Variants in RREB1 observed in about 807,000 individuals in gnomAD.
RREB1 encodes ras responsive element binding protein 1.
Under a neutral mutation model 117.8 loss-of-function variants are expected in RREB1, and 27 were observed. The ratio of observed to expected loss-of-function variants is 0.23; its 90% CI spans 0.17 to 0.32. RREB1 has a LOEUF of 0.32. Ranked by LOEUF, RREB1 falls within the 10% of genes least tolerant of loss-of-function variation. The pLI is 1.00. For synonymous variants in RREB1, 1,298 were observed against 1,026.7 expected (o/e 1.26, Z -5.05); for missense variants, 2,577 against 2,378.2 (o/e 1.08, Z -1.74).
chr6:7,127,177 C>G (rs902881506), intron 1 of RREB1, among the ~76,000 whole-genome samples: 2 of 151,612 alleles, frequency 1.3e-5, no homozygotes, highest in Non-Finnish European at 2.9e-5. Context: ...GAAAAATGGA[C>G]GGGGGCTCGG....
chr6:7,151,011 G>T (rs1763098079), intron 1 of RREB1, among the ~76,000 whole-genome samples: 1 of 152,218 alleles, frequency 6.6e-6, no homozygotes. Context: ...CATAGGCACA[G>T]AGAACTCATC....
At position 7,229,672 on chromosome 6, in the gene RREB1, C is replaced by G; in HGVS notation, c.1573C>G (p.Pro525Ala). 1 of 1,612,004 alleles carries G rather than the reference C, an allele frequency of 6.2e-7. No individual in the cohort carries two copies. The highest frequency in any genetic ancestry group is 1.1e-5 in the South Asian group (1 of 90,884). Residue 525 changes from proline (P) to alanine (A), a missense_variant, in exon 10 of 13, where the codon CCG becomes GCG. Coordinates refer to ENST00000379938, the MANE Select transcript of RREB1 (RefSeq NM_001003699.4). The surrounding 1 kb of genome is among the most constrained non-coding windows in gnomAD (Gnocchi z 4.5). ...PRTVVATSTP[P>A]PLINAQQASP... ...GACGGTGGTGGCCACCTCCACGCCC[C>G]CGCCTCTCATCAACGCCCAGCAGGC...
intron 8 of RREB1, chr6:7,216,164 G>A (rs1018956402): frequency 5.9e-5 from 9 of 152,348 alleles, no homozygotes; most frequent in African/African-American, 2.2e-4. Context: ...GAAGGAAAGA[G>A]TGATGTTTGA....
intron 11 of RREB1, among the ~76,000 whole-genome samples, chr6:7,242,700 AG>A (rs77140508): frequency 0.017 from 2,346 of 134,750 alleles, 27 homozygotes; most frequent in South Asian, 0.023. Flanking sequence ...CTTAAAAAAA[AG>A]GGGGGGGGGG....
rs770645188 is a variant in RREB1, at chr6:7,246,961, C to T, written c.4511C>T (p.Pro1504Leu). 35 of 1,570,064 alleles carry T rather than the reference C, an allele frequency of 2.2e-5. No homozygotes were observed. In the Admixed American group the frequency reaches 4.9e-4, roughly 22 times the overall value. The change falls in exon 12 of 13, where the codon CCG becomes CTG. Residue 1504 changes from proline (P) to leucine (L), a missense_variant. Physicochemically the swap from Pro to Leu is moderately conservative, Grantham distance 98. Coordinates refer to ENST00000379938, the MANE Select transcript of RREB1 (RefSeq NM_001003699.4). Reference protein sequence around the residue: ...PEQEEKPPETPAEVVESAPGA... With the variant: ...PEQEEKPPETLAEVVESAPGA... The stretch of plus-strand genomic sequence containing the variant: ...CAGGAGGAGAAGCCCCCCGAGACCC[C>T]GGCAGAGGTGGTGGAGTCGGCCCCG...
intron 6 of RREB1, among the ~76,000 whole-genome samples, chr6:7,196,217 CG>C (rs1395091104): frequency 6.4e-4 from 70 of 109,718 alleles, no homozygotes; most frequent in Middle Eastern, 9.9e-3. Flanking sequence ...TTTTTTTTTT[CG>C]TTTTTTTTTT....
At chr6:7,177,468 A>T (rs941143387) in intron 2 of RREB1, among the ~76,000 whole-genome samples, 1 of 151,726 alleles carries the variant, frequency 6.6e-6, no homozygotes, top group Non-Finnish European at 1.5e-5. Flanking sequence ...CATATCTATG[A>T]CTTGGGAACT....
chr6:7,225,087 G>A (rs559196357), intron 8 of RREB1, among the ~76,000 whole-genome samples: 3 of 152,280 alleles, frequency 2.0e-5, no homozygotes, highest in East Asian at 1.9e-4. Context: ...GGCTGACTTC[G>A]TTATCTCTTT....
intron 4 of RREB1, among the ~76,000 whole-genome samples, chr6:7,186,471 C>T (rs141938897): frequency 7.4e-4 from 113 of 152,314 alleles, no homozygotes; most frequent in African/African-American, 2.4e-3. Flanking sequence ...GGTGATTCTG[C>T]TGATCTTCAG....
intron 1 of RREB1, among the ~76,000 whole-genome samples, chr6:7,132,414 C>A (rs1442384891): frequency 6.6e-6 from 1 of 152,130 alleles, no homozygotes; most frequent in East Asian, 1.9e-4. Flanking sequence ...GATCCATCTA[C>A]GTTGGCCTTC....
At chr6:7,198,429 A>G (rs1001657877) in intron 6 of RREB1, among the ~76,000 whole-genome samples, 4 of 152,254 alleles carry the variant, frequency 2.6e-5, no homozygotes, top group Non-Finnish European at 4.4e-5. Context: ...TCAGTTGTCT[A>G]CATCCAAGGG....
At chr6:7,112,613 C>A (rs1055313264) in intron 1 of RREB1, among the ~76,000 whole-genome samples, 1 of 151,936 alleles carries the variant, frequency 6.6e-6, no homozygotes, top group South Asian at 2.1e-4. Context: ...AAAGGTACAC[C>A]GTATGAAACC....
rs943139014 is a variant in RREB1, at chr6:7,249,358, T to C, written c.*390T>C. The C allele has an allele frequency of 4.9e-5, 9 of 183,328 alleles. No homozygotes were observed. Among genetic ancestry groups the C allele is most frequent in the Non-Finnish European group, 9.0e-5 (8 of 88,910 alleles). The allele number at this position is 183,328 out of a possible 1,614,324, so 11.4% of individuals were successfully genotyped here. A position where few individuals can be genotyped will look rare whatever the true frequency, so the allele number is the denominator to read the frequency against. On this transcript the variant is annotated 3_prime_UTR_variant, in exon 13 of 13. Coordinates refer to ENST00000379938, the MANE Select transcript of RREB1 (RefSeq NM_001003699.4). ...TGAGCTTGTTCTTGTGAATCTGTGA[T>C]AGCACCGTTTGTTCTGTGAGCTGGA...
At chr6:7,131,180 C>G (rs1762143381) in intron 1 of RREB1, among the ~76,000 whole-genome samples, 1 of 152,132 alleles carries the variant, frequency 6.6e-6, no homozygotes, top group African/African-American at 2.4e-5. Flanking sequence ...TCCACGTCGG[C>G]CTCCCAAAGT....
chr6:7,167,343 GAC>G (rs1439219901), intron 1 of RREB1, among the ~76,000 whole-genome samples: 1 of 150,544 alleles, frequency 6.6e-6, no homozygotes, highest in Non-Finnish European at 1.5e-5. Flanking sequence ...TGTGGGCTGG[GAC>G]AGGATTTTTT....
intron 1 of RREB1, among the ~76,000 whole-genome samples, chr6:7,114,205 T>C (rs12196801): frequency 0.15 from 22,776 of 152,170 alleles, 1,927 homozygotes; most frequent in African/African-American, 0.21. Flanking sequence ...GTCTGCAACC[T>C]CCACCTCCAG....
At chr6:7,141,054 G>T (rs569637198) in intron 1 of RREB1, among the ~76,000 whole-genome samples, 1 of 152,342 alleles carries the variant, frequency 6.6e-6, no homozygotes, top group East Asian at 1.9e-4. Flanking sequence ...AGGGCCTCGA[G>T]GGTCTGTCTG....
intron 1 of RREB1, among the ~76,000 whole-genome samples, chr6:7,133,147 T>G (rs1762222427): frequency 6.6e-6 from 1 of 152,130 alleles, no homozygotes; most frequent in South Asian, 2.1e-4. Flanking sequence ...GAAGCATGGT[T>G]CGTTTCTTTT....
At chr6:7,127,553 A>G (rs1761990511) in intron 1 of RREB1, among the ~76,000 whole-genome samples, 2 of 152,186 alleles carry the variant, frequency 1.3e-5, no homozygotes, top group African/African-American at 4.8e-5. Flanking sequence ...AATTCTTTAG[A>G]GGAGAGGGAC....
Sources: gnomAD v4.1 joint callset for allele counts (sites outside exome capture counted in the v4.1 genomes callset) on GRCh38, gnomAD v4.1.1 for gene constraint, Gnocchi (gnomAD v3.1) non-coding constraint, MANE v1.5 for transcripts, NCBI Gene and HGNC (gene_info 2026-07-23, HGNC 2026-07-21) for gene names.